The following LCN8 variants were observed in gnomAD, a reference collection of about 807,000 sequenced individuals.
LCN8 encodes the protein lipocalin 8, also known as epididymal-specific lipocalin-8.
A neutral mutation model predicts 22.8 loss-of-function variants in LCN8; 16 were observed. The observed-to-expected ratio is 0.70, with a 90% CI of 0.47 to 1.06. LCN8 has a LOEUF of 1.06. Among genes scored for constraint, LCN8 ranks in the 50% least tolerant of loss-of-function variants. The probability of loss-of-function intolerance (pLI) is 0.00; values close to 1 mark genes in which losing one functional copy is unlikely to be tolerated. For synonymous variants in LCN8, 92 were observed against 83.4 expected, an observed-to-expected ratio of 1.10 and a Z score of -0.56; for missense variants, 189 against 203.3, an observed-to-expected ratio of 0.93 and a Z score of 0.43.
chr9:136,754,777 G>A (rs967755705), intron 6 of LCN8: 70 of 1,370,508 alleles, frequency 5.1e-5, no homozygotes, highest in Middle Eastern at 2.7e-4. Flanking sequence ...GTGCCCCGCC[G>A]CCGACGGGAC....
At chr9:136,757,759 C>T in intron 1 of LCN8, 148 bp downstream of exon 1, 1 of 1,559,758 alleles carries the variant, frequency 6.4e-7, no homozygotes, top group Admixed American at 1.8e-5. Context: ...GGCACAGACT[C>T]AGCGGAGAAG....
Position 136,757,094 on chromosome 9 carries a change from C to T in LCN8, c.99G>A (p.Glu33=), listed in dbSNP as rs781554351. ...TCCCGCTCAAGGTGAGGAACAAGCCCTCCACCCGCTTCGGGGCCGTCAGCA... is the reference window on the plus strand; with the variant it reads ...TCCCGCTCAAGGTGAGGAACAAGCCTTCCACCCGCTTCGGGGCCGTCAGCA... ...SLVLTAPKRV[E]GLFLTLSGSN... The change falls in exon 2 of 7, where the codon GAG becomes GAA. Residue 33 remains glutamate (E), a synonymous_variant. Coordinates refer to ENST00000371688, the MANE Select transcript of LCN8 (RefSeq NM_178469.4). The T allele has an allele frequency of 1.2e-6, 2 of 1,613,588 alleles. No individual in the cohort carries two copies.
At chr9:136,756,286 G>A (rs1847195754) in intron 3 of LCN8, 2 of 1,508,878 alleles carry the variant, frequency 1.3e-6, no homozygotes, top group Non-Finnish European at 1.8e-6. Context: ...GAACAGCATG[G>A]GGAATAGTGC....
At position 136,758,030 on chromosome 9, in the gene LCN8, G is replaced by A. The variant is rs1847251826; in HGVS notation, c.-100C>T. 6.4e-7 allele frequency: 1 copy of A among 1,558,844 alleles called. No homozygotes were observed. Among genetic ancestry groups the A allele is most frequent in the South Asian group, 1.2e-5 (1 of 85,710 alleles). On this transcript the variant is annotated 5_prime_UTR_variant, in exon 1 of 7. Coordinates refer to ENST00000371688, the MANE Select transcript of LCN8 (RefSeq NM_178469.4). Reference sequence around the variant, plus strand: ...GGTCCGGGCTCCGGGTTCCCCTGCTGCACAGCCTGGGCCGATTCTATACGG... The same window carrying A: ...GGTCCGGGCTCCGGGTTCCCCTGCTACACAGCCTGGGCCGATTCTATACGG...
chr9:136,754,585 G>C, intron 6 of LCN8, 76 bp from the exon 7 acceptor site: 1 of 1,519,592 alleles, frequency 6.6e-7, no homozygotes, highest in Non-Finnish European at 8.8e-7. Flanking sequence ...AGGGCCACAC[G>C]GCGGGACTTC....
At position 136,756,465 on chromosome 9, in the gene LCN8, G is replaced by T. The variant is rs772647747; in HGVS notation, c.226+57C>A. On this transcript the variant is annotated intron_variant, in intron 3 of 6. Transcript: ENST00000371688. ...CAGGGAACAGCATGGGGAACAATAA[G>T]GCCTAGCTGTGTGCACAGCCGGGTT... 4 of 1,613,870 alleles carry T rather than the reference G, an allele frequency of 2.5e-6. No individual in the cohort carries two copies. The South Asian group carries it at 4.4e-5, about 18-fold the overall frequency.
rs375097497 is a variant in LCN8, at chr9:136,755,155, A to C, written c.427T>G (p.Cys143Gly). 4.3e-5 allele frequency: 68 copies of C among 1,593,464 alleles called. No individual in the cohort carries two copies. The highest frequency in any genetic ancestry group is 5.5e-5 in the Non-Finnish European group (64 of 1,169,080). ...CTCACCTCCTTCAGGAGCTCGGCAC[A>C]CCGCCCTGCAGGATAGGCCAGCATG... ...GLYLAARPGR[C>G]AELLKEELI Residue 143 changes from cysteine to glycine, a missense_variant, in exon 6 of 7, where the codon TGT becomes GGT. By Grantham distance (159) the Cys-to-Gly change is radical (BLOSUM62 -3). Coordinates refer to ENST00000371688, the MANE Select transcript of LCN8 (RefSeq NM_178469.4).
At chr9:136,755,043 G>T in intron 6 of LCN8, 92 bp downstream of exon 6, 1 of 1,445,834 alleles carries the variant, frequency 6.9e-7, no homozygotes, top group South Asian at 1.5e-5. Flanking sequence ...CCAGGGCCGG[G>T]AGGCGGAGCC....
chr9:136,757,403 T>A, intron 1 of LCN8: 1 of 1,416,636 alleles, frequency 7.1e-7, no homozygotes, highest in East Asian at 2.6e-5. Context: ...CCCTCCCCAC[T>A]GGGCCATCTA....
upstream of LCN8, chr9:136,758,250 G>T: frequency 7.9e-7 from 1 of 1,264,286 alleles, no homozygotes; most frequent in Non-Finnish European, 1.0e-6. Flanking sequence ...CGCTGCTGGG[G>T]CCGTCTCGGA....
chr9:136,757,784 A>G (rs1363358425), intron 1 of LCN8, 123 bp downstream of exon 1: 2 of 1,595,806 alleles, frequency 1.3e-6, no homozygotes, highest in Admixed American at 1.7e-5. Context: ...TGCCGCTAAC[A>G]GGAAGTGTCT....
chr9:136,757,080 G>C lies in LCN8; in HGVS notation c.113C>G (p.Thr38Ser). The change falls in exon 2 of 7, where the codon ACC becomes AGC. Residue 38 changes from threonine (T) to serine (S), a missense_variant. Physicochemically the swap from Thr to Ser is moderately conservative, Grantham distance 58. Coordinates refer to ENST00000371688, the MANE Select transcript of LCN8 (RefSeq NM_178469.4). ...CACGGTCAGGTTACTCCCGCTCAAG[G>C]TGAGGAACAAGCCCTCCACCCGCTT... ...APKRVEGLFL[T>S]LSGSNLTVKV... The C allele has an allele frequency of 6.2e-7, 1 of 1,613,552 alleles. No individual in the cohort carries two copies. The highest frequency in any genetic ancestry group is 1.3e-5 in the African/African-American group (1 of 75,022).
Position 136,757,003 on chromosome 9 carries a change from G to A in LCN8, c.155+35C>T, listed in dbSNP as rs745385927. 1.9e-6 allele frequency: 3 copies of A among 1,607,036 alleles called. No individual in the cohort carries two copies. In the South Asian group the frequency reaches 3.3e-5, roughly 18 times the overall value. On this transcript the variant is annotated intron_variant, in intron 2 of 6. Coordinates refer to ENST00000371688, the MANE Select transcript of LCN8 (RefSeq NM_178469.4). ...CCACGCCCAGTCCCCGGCCATGCAT[G>A]CCTCTTCCTCTCCAGCAGCCCCCAG...
chr9:136,756,313 A>G (rs1847196508), intron 3 of LCN8: 3 of 1,531,276 alleles, frequency 2.0e-6, no homozygotes, highest in Non-Finnish European at 2.6e-6. Flanking sequence ...CAGCATGTGG[A>G]ACAGTGCAGG....
At chr9:136,757,430 C>T in intron 1 of LCN8, 1 of 1,403,028 alleles carries the variant, frequency 7.1e-7, no homozygotes, top group Non-Finnish European at 9.3e-7. Flanking sequence ...CGGAACAGTC[C>T]CTAGGGCTTC....
In LCN8 at chr9:136,755,239, C is replaced by A; in HGVS notation, c.421+5G>T. On this transcript the variant is annotated splice_donor_5th_base_variant and intron_variant, in intron 5 of 6. Transcript: ENST00000371688. ...CAGCCTCCACCCCAAGGCCCCTGGG[C>A]TCACCAGGCCGGGCCGCCAGGTAGA... The A allele has an allele frequency of 6.2e-7, 1 of 1,612,522 alleles. No homozygotes were observed. Among genetic ancestry groups the A allele is most frequent in the Middle Eastern group, 1.7e-4 (1 of 6,060 alleles).
intron 5 of LCN8, 21 bp downstream of exon 5, chr9:136,755,223 C>T (rs370780303): frequency 6.2e-7 from 1 of 1,611,842 alleles, no homozygotes; most frequent in Non-Finnish European, 8.5e-7. Flanking sequence ...CCAGCCTCCA[C>T]CCCAAGGCCC....
In LCN8 at chr9:136,758,123, C is replaced by T. The variant is rs932985349; in HGVS notation, c.-193G>A. The T allele has an allele frequency of 2.8e-6, 4 of 1,453,048 alleles. No homozygotes were observed. Among genetic ancestry groups the T allele is most frequent in the Middle Eastern group, 2.5e-4 (1 of 3,966 alleles). The allele number at this position is 1,453,048 out of a possible 1,614,324, so 90.0% of individuals were successfully genotyped here. On this transcript the variant is annotated 5_prime_UTR_variant, in exon 1 of 7. Transcript: ENST00000371688. ...AGCTTGGCTGCTGGCAGCTCAGAGACGTGGGTTTCTGCACAAGCGCCATCG... is the reference window on the plus strand; with the variant it reads ...AGCTTGGCTGCTGGCAGCTCAGAGATGTGGGTTTCTGCACAAGCGCCATCG...
intron 3 of LCN8, chr9:136,756,306 C>CA (rs1847196371): frequency 2.0e-6 from 3 of 1,521,540 alleles, no homozygotes; most frequent in Non-Finnish European, 2.6e-6. Flanking sequence ...CAGGAAACAG[C>CA]ATGTGGAACA....
Sources: gnomAD v4.1 joint callset for allele counts on GRCh38, gnomAD v4.1.1 for gene constraint, MANE v1.5 for transcripts, NCBI Gene and HGNC (gene_info 2026-07-23, HGNC 2026-07-21) for gene names.